The following SLC41A2 variants were observed in gnomAD, a reference collection of about 807,000 sequenced individuals.
The protein encoded by SLC41A2 is solute carrier family 41 member 2.
A neutral mutation model predicts 58.3 loss-of-function variants in SLC41A2; 32 were observed. That is an observed-to-expected ratio of 0.55 (90% CI 0.41 to 0.74). The LOEUF is 0.74. Among genes scored for constraint, SLC41A2 ranks in the 30% least tolerant of loss-of-function variants. SLC41A2 has a pLI of 0.00. For missense variants in SLC41A2, 514 were observed against 680.6 expected (o/e 0.76, Z 2.72); for synonymous variants, 190 against 235.0 (o/e 0.81, Z 1.75).
intron 4 of SLC41A2, among the ~76,000 whole-genome samples, chr12:104,892,305 AT>A (rs149846461): frequency 0.036 from 4,977 of 137,682 alleles, 438 homozygotes; most frequent in African/African-American, 0.08. Context: ...CAAAAAAAAA[AT>A]AAAATAAAAT....
At position 104,921,947 on chromosome 12, in the gene SLC41A2, A is replaced by T. The variant is rs571207909; in HGVS notation, c.555+6026T>A. On this transcript the variant is annotated intron_variant, in intron 2 of 10. Transcript: ENST00000258538. ...ATTATTTTCTTTGTGATCTAAGATA[A>T]GTTGTCATCTCTTTAAAATAACATT... is the stretch of plus-strand genomic sequence containing the variant. Among the ~76,000 whole-genome samples, 6 of 152,300 alleles carry T rather than the reference A, an allele frequency of 3.9e-5. No homozygotes were observed. The East Asian group carries it at 1.2e-3, about 29-fold the overall frequency.
chr12:104,927,860 G>T lies in SLC41A2; in HGVS notation c.555+113C>A, dbSNP rs1246526439. 8.2e-6 allele frequency: 8 copies of T among 971,268 alleles called. No individual in the cohort carries two copies. The African/African-American group carries it at 1.2e-4, about 14-fold the overall frequency. The allele number at this position is 971,268 out of a possible 1,614,324, so 60.2% of individuals were successfully genotyped here. On this transcript the variant is annotated intron_variant, in intron 2 of 10. Coordinates refer to ENST00000258538, the MANE Select transcript of SLC41A2 (RefSeq NM_001352171.3). ...GTCAGCATCTGTTCATTTTACCAAG[G>T]GATAAATTAAATCTAAAGTGAATGT...
intron 6 of SLC41A2, among the ~76,000 whole-genome samples, chr12:104,873,782 C>CATTG (rs1263191797): frequency 2.0e-5 from 3 of 152,084 alleles, no homozygotes; most frequent in Non-Finnish European, 4.4e-5. Flanking sequence ...TGATTAGTGA[C>CATTG]ATTGAGTACC....
chr12:104,899,271 C>T (rs377656019), intron 3 of SLC41A2, among the ~76,000 whole-genome samples: 5 of 152,066 alleles, frequency 3.3e-5, no homozygotes, highest in South Asian at 4.1e-4. Context: ...AATATCTGGG[C>T]CCAATTAGAA....
chr12:104,860,313 T>A (rs943948429), intron 8 of SLC41A2, among the ~76,000 whole-genome samples: 1 of 150,288 alleles, frequency 6.7e-6, no homozygotes, highest in African/African-American at 2.5e-5. Context: ...GATGGGTTGA[T>A]AGGTGCAGCA....
At position 104,864,021 on chromosome 12, in the gene SLC41A2, T is replaced by G. The variant is rs138249984; in HGVS notation, c.1175+2411A>C. On this transcript the variant is annotated intron_variant, in intron 7 of 10. Coordinates refer to ENST00000258538, the MANE Select transcript of SLC41A2 (RefSeq NM_001352171.3). ...CCTGTCCTCCTGCCAATCTGGATGG[T>G]TGCCTGTCTAGGCCTGATGTACAGC... Among the ~76,000 whole-genome samples the G allele has an allele frequency of 7.4e-3, 1,127 of 152,082 alleles. 5 individuals are homozygous for G. Among genetic ancestry groups the G allele is most frequent in the Non-Finnish European group, 0.013 (904 of 67,982 alleles).
intron 6 of SLC41A2, among the ~76,000 whole-genome samples, chr12:104,876,951 A>G (rs886713227): frequency 6.6e-6 from 1 of 152,146 alleles, no homozygotes; most frequent in African/African-American, 2.4e-5. Flanking sequence ...TCATATATAT[A>G]TTTAGGTGCT....
At chr12:104,826,413 C>G (rs553592512) in intron 10 of SLC41A2, among the ~76,000 whole-genome samples, 1 of 152,124 alleles carries the variant, frequency 6.6e-6, no homozygotes, top group Non-Finnish European at 1.5e-5. Flanking sequence ...CGACCTTTGC[C>G]GACAATGTAG....
chr12:104,927,438 G>GA (rs945390835), intron 2 of SLC41A2, among the ~76,000 whole-genome samples: 5 of 152,062 alleles, frequency 3.3e-5, no homozygotes, highest in African/African-American at 1.2e-4. Flanking sequence ...ATAAGTTGCA[G>GA]AAAAATATAT....
intron 10 of SLC41A2, among the ~76,000 whole-genome samples, chr12:104,816,495 T>C (rs1020779157): frequency 6.6e-6 from 1 of 152,206 alleles, no homozygotes; most frequent in African/African-American, 2.4e-5. Context: ...GCCCTCTGCC[T>C]CTCCAGGGGA....
At position 104,919,260 on chromosome 12, in the gene SLC41A2, C is replaced by T. The variant is rs1009793801; in HGVS notation, c.555+8713G>A. On this transcript the variant is annotated intron_variant, in intron 2 of 10. Transcript: ENST00000258538. ...TTAACTCAACTGTTGAAGGACACTT[C>T]GGTTGTATCCAGTTCTTAGCCACCA... is the stretch of plus-strand genomic sequence containing the variant. Among the ~76,000 whole-genome samples the T allele has an allele frequency of 3.9e-4, 59 of 152,278 alleles. 1 individual carries two copies. The highest frequency in any genetic ancestry group is 1.5e-3 in the Admixed American group (23 of 15,290).
At chr12:104,877,757 G>C (rs1053089989) in intron 6 of SLC41A2, among the ~76,000 whole-genome samples, 1 of 152,128 alleles carries the variant, frequency 6.6e-6, no homozygotes, top group African/African-American at 2.4e-5. Flanking sequence ...CTAGCACTTT[G>C]GGAGGCCGAG....
intron 10 of SLC41A2, among the ~76,000 whole-genome samples, 170 bp downstream of exon 10, chr12:104,844,302 T>C (rs532708871): frequency 6.6e-6 from 1 of 152,296 alleles, no homozygotes; most frequent in East Asian, 1.9e-4. Flanking sequence ...AATATAAATA[T>C]TGATGACTAA....
chr12:104,801,909 C>T lies in SLC41A2; in HGVS notation c.*3243G>A, dbSNP rs1162894542. Among the ~76,000 whole-genome samples, 3 of 152,152 alleles carry T rather than the reference C, an allele frequency of 2.0e-5. No homozygotes were observed. Among genetic ancestry groups the T allele is most frequent in the Non-Finnish European group, 4.4e-5 (3 of 68,024 alleles). On this transcript the variant is annotated 3_prime_UTR_variant, in exon 11 of 11. Coordinates refer to ENST00000258538, the MANE Select transcript of SLC41A2 (RefSeq NM_001352171.3). ...ACTGGCTTGATGTTCTCTAGTTCAT[C>T]AAGAAGTAAGCATAACAAGACTGGA...
Position 104,958,254 on chromosome 12 carries a change from C to G in SLC41A2, c.-334G>C, listed in dbSNP as rs1375250730. 1 of 151,124 alleles carries G rather than the reference C, an allele frequency of 6.6e-6. No individual in the cohort carries two copies. The highest frequency in any genetic ancestry group is 1.5e-5 in the Non-Finnish European group (1 of 67,756). 9.4% of individuals were successfully genotyped at this position (151,124 alleles called of 1,614,324 possible). A position where few individuals can be genotyped will look rare whatever the true frequency, so the allele number is the denominator to read the frequency against. ...TCCCAGCCCACAGCTCCTTCCTGCTCCCGCGCCTCCTCGCGCGGCTGCGGC... is the reference window on the plus strand; with the variant it reads ...TCCCAGCCCACAGCTCCTTCCTGCTGCCGCGCCTCCTCGCGCGGCTGCGGC... On this transcript the variant is annotated 5_prime_UTR_variant, in exon 1 of 11. Transcript: ENST00000258538.
chr12:104,858,236 G>A (rs1565846979), intron 8 of SLC41A2, among the ~76,000 whole-genome samples: 1 of 151,908 alleles, frequency 6.6e-6, no homozygotes, highest in East Asian at 1.9e-4. Context: ...GTCACAATAT[G>A]AACACAGATA....
In SLC41A2 at chr12:104,886,442, A is replaced by G. The variant is rs1438795368; in HGVS notation, c.881-3T>C. 6.2e-7 allele frequency: 1 copy of G among 1,611,046 alleles called. No homozygotes were observed. The highest frequency in any genetic ancestry group is 2.2e-5 in the East Asian group (1 of 44,824). ...GATAACCCCAACCATTATTATTCCT[A>G]GAAGAAAGAATGTTCATTACTTTTT... is the stretch of plus-strand genomic sequence containing the variant. On this transcript the variant is annotated splice_polypyrimidine_tract_variant and splice_region_variant and intron_variant, in intron 5 of 10. Transcript: ENST00000258538.
intron 2 of SLC41A2, among the ~76,000 whole-genome samples, chr12:104,923,698 C>T (rs1489721861): frequency 1.3e-5 from 2 of 152,036 alleles, no homozygotes; most frequent in Non-Finnish European, 2.9e-5. Context: ...CAACTATACA[C>T]GAACAAATTG....
chr12:104,807,251 AAGGAAGGGATCC>A (rs1303456038), intron 10 of SLC41A2, among the ~76,000 whole-genome samples: 6 of 152,306 alleles, frequency 3.9e-5, no homozygotes, highest in Admixed American at 1.3e-4. Context: ...TATAAGGTGT[AAGGAAGGGATCC>A]AGTTTCAGCC....
Sources: gnomAD v4.1 joint callset for allele counts (sites outside exome capture counted in the v4.1 genomes callset) on GRCh38, gnomAD v4.1.1 for gene constraint, MANE v1.5 for transcripts, NCBI Gene and HGNC (gene_info 2026-07-23, HGNC 2026-07-21) for gene names.